Variants in TFIP11 observed in about 807,000 individuals in gnomAD.
TFIP11 encodes the protein tuftelin interacting protein 11, also known as tuftelin-interacting protein 11.
Under a neutral mutation model 96.8 loss-of-function variants are expected in TFIP11, and 86 were observed. The ratio of observed to expected loss-of-function variants is 0.89; its 90% confidence interval spans 0.75 to 1.06. TFIP11 has a LOEUF of 1.06. Among genes scored for constraint, TFIP11 ranks in the 50% least tolerant of loss-of-function variants. The probability of loss-of-function intolerance (pLI) is 0.00; values close to 1 mark genes in which losing one functional copy is unlikely to be tolerated. For missense variants in TFIP11, 881 were observed against 1,076.7 expected, an observed-to-expected ratio of 0.82 and a Z score of 2.54; for synonymous variants, 405 against 395.2, an observed-to-expected ratio of 1.02 and a Z score of -0.29.
chr22:26,497,028 T>A (rs1448081202), intron 10 of TFIP11, 139 bp from the exon 11 acceptor site: 1 of 1,026,596 alleles, frequency 9.7e-7, no homozygotes, highest in Admixed American at 2.4e-5. Flanking sequence ...ATCAGGCCAG[T>A]CACCATACTG....
In TFIP11 at chr22:26,494,848, G is replaced by C; in HGVS notation, c.1941C>G (p.Val647=). 6.2e-7 allele frequency: 1 copy of C among 1,614,204 alleles called. No homozygotes were observed. Among genetic ancestry groups the C allele is most frequent in the Non-Finnish European group, 8.5e-7 (1 of 1,180,046 alleles). ...WVIDWEGMIS[V]SSLVGLLEKH... ...TTTCAAGAAGTCCCACCAGGCTAGAGACAGAGATCATCCCTTCCCAGTCAA... is the reference window on the plus strand; with the variant it reads ...TTTCAAGAAGTCCCACCAGGCTAGACACAGAGATCATCCCTTCCCAGTCAA... Residue 647 remains valine (V), a synonymous_variant, in exon 13 of 15, where the codon GTC becomes GTG. Transcript: ENST00000407690.
chr22:26,492,098 T>C lies in TFIP11; in HGVS notation c.2429A>G (p.Tyr810Cys), dbSNP rs1921269238. The C allele has an allele frequency of 1.2e-6, 2 of 1,613,994 alleles. No homozygotes were observed. Among genetic ancestry groups the C allele is most frequent in the Non-Finnish European group, 1.7e-6 (2 of 1,179,992 alleles). ...GACAAAGACCACTCCCCGGTCGATG[T>C]AGATCACAATGCGGCCAAAGGTGTA... The part of the protein sequence containing the change: ...QLYTFGRIVI[Y>C]IDRGVVFVQG... The change falls in exon 15 of 15, where the codon TAC becomes TGC. Residue 810 changes from tyrosine to cysteine, a missense_variant. Coordinates refer to ENST00000407690, the MANE Select transcript of TFIP11 (RefSeq NM_012143.4).
chr22:26,495,160 G>A (rs1921769524), intron 12 of TFIP11, among the ~76,000 whole-genome samples: 1 of 149,334 alleles, frequency 6.7e-6, no homozygotes, highest in South Asian at 2.1e-4. Flanking sequence ...CAGCGTTTTG[G>A]CATGTTGCCC....
At chr22:26,506,186 A>T in intron 6 of TFIP11, 117 bp downstream of exon 6, 2 of 1,163,760 alleles carry the variant, frequency 1.7e-6, no homozygotes, top group East Asian at 5.1e-5. Flanking sequence ...GTGCTGGCAA[A>T]CCAGGCTGGA....
intron 6 of TFIP11, 120 bp from the exon 7 acceptor site, chr22:26,503,913 G>T: frequency 7.6e-7 from 1 of 1,319,564 alleles, no homozygotes; most frequent in Non-Finnish European, 1.0e-6. Flanking sequence ...ATGCTACTCA[G>T]GAAGGAGAGC....
rs972916633 is a variant in TFIP11, at chr22:26,512,452, T to C, written c.-231A>G. The C allele has an allele frequency of 1.3e-5, 2 of 152,242 alleles. No individual in the cohort carries two copies. The highest frequency in any genetic ancestry group is 2.9e-5 in the Non-Finnish European group (2 of 68,118). The allele number at this position is 152,242 out of a possible 1,614,324, so 9.4% of individuals were successfully genotyped here. On this transcript the variant is annotated 5_prime_UTR_variant, in exon 1 of 15. Coordinates refer to ENST00000407690, the MANE Select transcript of TFIP11 (RefSeq NM_012143.4). ...CACCATCCGCGCGAGAAGACGCCGC[T>C]CCTACACCAGAACCCGGAAGCACCG...
intron 13 of TFIP11, chr22:26,494,582 CT>C: frequency 1.3e-6 from 1 of 749,174 alleles, no homozygotes; most frequent in Non-Finnish European, 2.1e-6. Context: ...CTGAGAGGAG[CT>C]GAGATAAAGC....
At chr22:26,508,097 CTG>C (rs2147148236) in intron 4 of TFIP11, among the ~76,000 whole-genome samples, 1 of 152,260 alleles carries the variant, frequency 6.6e-6, no homozygotes, top group East Asian at 1.9e-4. Context: ...GTAATAGAGA[CTG>C]TGTTTCAAAG....
chr22:26,491,815 C>A lies in TFIP11; in HGVS notation c.*198G>T. ...CTGTCCTGTTTTGAGGACGATACCCCACATGAGGACTTGGTATAAAGATTC... is the reference window on the plus strand; with the variant it reads ...CTGTCCTGTTTTGAGGACGATACCCAACATGAGGACTTGGTATAAAGATTC... On this transcript the variant is annotated 3_prime_UTR_variant, in exon 15 of 15. Coordinates refer to ENST00000407690, the MANE Select transcript of TFIP11 (RefSeq NM_012143.4). 1.1e-6 allele frequency: 1 copy of A among 918,548 alleles called. No individual in the cohort carries two copies. The highest frequency in any genetic ancestry group is 1.7e-5 in the African/African-American group (1 of 59,946). 56.9% of individuals were successfully genotyped at this position (918,548 alleles called of 1,614,324 possible). A position where few individuals can be genotyped will look rare whatever the true frequency, so the allele number is the denominator to read the frequency against.
Position 26,501,974 on chromosome 22 carries a change from C to A in TFIP11, c.727G>T (p.Val243Leu). 6.2e-7 allele frequency: 1 copy of A among 1,613,822 alleles called. No individual in the cohort carries two copies. Among genetic ancestry groups the A allele is most frequent in the Non-Finnish European group, 8.5e-7 (1 of 1,179,948 alleles). ...CTGCCCTTGGCCTTCAACTCTTCCA[C>A]GGTCTTGTAAGAGTATTTGGGCTTC... Reference protein sequence around the residue: ...KKKPKYSYKTVEELKAKGRIS... With the variant: ...KKKPKYSYKTLEELKAKGRIS... Residue 243 changes from valine (V) to leucine (L), a missense_variant, in exon 8 of 15, where the codon GTG (valine) becomes TTG (leucine). Val to Leu is a conservative substitution (Grantham distance 32). Coordinates refer to ENST00000407690, the MANE Select transcript of TFIP11 (RefSeq NM_012143.4).
intron 13 of TFIP11, 183 bp from the exon 14 acceptor site, chr22:26,494,487 A>G: frequency 2.6e-6 from 2 of 776,572 alleles, no homozygotes; most frequent in Admixed American, 5.0e-5. Context: ...CCTGGTAGCT[A>G]AAGTGCCCTT....
In TFIP11 at chr22:26,510,123, G is replaced by C. The variant is rs34002213; in HGVS notation, c.150C>G (p.Thr50=). The change falls in exon 4 of 15, where the codon ACC becomes ACG. Residue 50 remains threonine (T), a synonymous_variant. Coordinates refer to ENST00000407690, the MANE Select transcript of TFIP11 (RefSeq NM_012143.4). ...QRHWQTKEEA[T]YGVWAERDSD... is the part of the protein sequence containing the mutation. ...AGTCTCGCTCTGCCCACACCCCGTA[G>C]GTGGCTTCTTCCTTGGTCTGCCAGT... 0.021 allele frequency: 34,477 copies of C among 1,614,142 alleles called. 469 individuals carry two copies. The highest frequency in any genetic ancestry group is 0.076 in the Middle Eastern group (456 of 6,038).
chr22:26,508,859 A>G lies in TFIP11; in HGVS notation c.209+1205T>C, dbSNP rs1051793376. Among the ~76,000 whole-genome samples, 111 of 151,312 alleles carry G rather than the reference A, an allele frequency of 7.3e-4. 1 individual carries two copies. The highest frequency in any genetic ancestry group is 3.0e-4 in the Non-Finnish European group (20 of 67,744). ...ACTTCATCTCAAAAAAAAAAAAAAGAAAAAGAAAAAGGCACACTCTCAATA... is the reference window on the plus strand; with the variant it reads ...ACTTCATCTCAAAAAAAAAAAAAAGGAAAAGAAAAAGGCACACTCTCAATA... On this transcript the variant is annotated intron_variant, in intron 4 of 14. Coordinates refer to ENST00000407690, the MANE Select transcript of TFIP11 (RefSeq NM_012143.4).
intron 5 of TFIP11, 32 bp from the exon 6 acceptor site, chr22:26,506,491 T>C (rs1424483348): frequency 1.3e-6 from 2 of 1,579,768 alleles, no homozygotes. Flanking sequence ...GCTTAGTTAA[T>C]GGAAAAACAA....
intron 14 of TFIP11, 76 bp downstream of exon 14, chr22:26,494,061 ACT>A (rs1921596422): frequency 2.0e-6 from 3 of 1,533,948 alleles, no homozygotes; most frequent in South Asian, 1.2e-5. Flanking sequence ...GAACCAGAAA[ACT>A]CTGATTCTGT....
intron 8 of TFIP11, among the ~76,000 whole-genome samples, chr22:26,501,066 G>A (rs980632950): frequency 1.3e-5 from 2 of 151,832 alleles, no homozygotes; most frequent in Non-Finnish European, 2.9e-5. Context: ...TGTATTTTTA[G>A]TAGAGACGGG....
Position 26,499,371 on chromosome 22 carries a change from G to T in TFIP11, c.1062C>A (p.His354Gln). Residue 354 changes from histidine to glutamine, a missense_variant, in exon 9 of 15, where the codon CAC becomes CAA. Physicochemically the swap from His to Gln is conservative, Grantham distance 24. Transcript: ENST00000407690. ...YERDMVVNLF[H>Q]ELEKMTEVLD... Reference sequence around the variant, plus strand: ...GGACCTCGGTCATCTTCTCCAGCTCGTGGAAGAGGTTGACCACCATGTCCC... The same window carrying T: ...GGACCTCGGTCATCTTCTCCAGCTCTTGGAAGAGGTTGACCACCATGTCCC... The T allele has an allele frequency of 1.2e-6, 2 of 1,613,918 alleles. No individual in the cohort carries two copies. The highest frequency in any genetic ancestry group is 1.7e-6 in the Non-Finnish European group (2 of 1,179,898).
At chr22:26,508,479 T>C (rs1198686685) in intron 4 of TFIP11, among the ~76,000 whole-genome samples, 1 of 152,214 alleles carries the variant, frequency 6.6e-6, no homozygotes, top group Non-Finnish European at 1.5e-5. Context: ...CCTGATCTAT[T>C]TGTCATCCAC....
intron 6 of TFIP11, among the ~76,000 whole-genome samples, chr22:26,504,055 T>G (rs1486402292): frequency 2.0e-5 from 3 of 152,186 alleles, no homozygotes; most frequent in Non-Finnish European, 4.4e-5. Flanking sequence ...CTTGGATTGT[T>G]TAGTGGACAG....
Sources: allele counts gnomAD v4.1 joint callset (sites outside exome capture counted in the v4.1 genomes callset), GRCh38; gene constraint gnomAD v4.1.1; transcripts MANE v1.5; gene names NCBI Gene and HGNC (gene_info 2026-07-23, HGNC 2026-07-21).